The following SLC45A4 variants were observed in gnomAD, a reference collection of about 807,000 sequenced individuals.
SLC45A4 encodes solute carrier family 45 member 4.
Under a neutral mutation model 63.7 loss-of-function variants are expected in SLC45A4, and 32 were observed. The ratio of observed to expected loss-of-function variants is 0.50; its 90% CI spans 0.38 to 0.67. The LOEUF (loss-of-function observed/expected upper bound fraction) is 0.67, where lower values mean the gene tolerates loss of function less well. Ranked by LOEUF, SLC45A4 falls within the 30% of genes least tolerant of loss-of-function variation. The pLI, the probability that SLC45A4 is intolerant of heterozygous loss-of-function variation, is 0.00. For missense variants in SLC45A4, 1,027 were observed against 1,157.7 expected, an observed-to-expected ratio of 0.89 and a Z score of 1.64; for synonymous variants, 535 against 510.0, an observed-to-expected ratio of 1.05 and a Z score of -0.66.
intron 2 of SLC45A4, chr8:141,230,052 A>G: frequency 2.2e-6 from 1 of 456,264 alleles, no homozygotes. Flanking sequence ...ACACGATGAT[A>G]AGAAAGTTCT....
chr8:141,249,377 A>G (rs551198784), intron 2 of SLC45A4, among the ~76,000 whole-genome samples: 276 of 152,384 alleles, frequency 1.8e-3, no homozygotes, highest in Admixed American at 2.9e-3. Context: ...TCAGTGGAGT[A>G]CTAGTCAGCA....
At chr8:141,299,248 C>T (rs768773229) in intron 1 of SLC45A4, among the ~76,000 whole-genome samples, 8 of 152,236 alleles carry the variant, frequency 5.3e-5, no homozygotes, top group Admixed American at 1.3e-4. Flanking sequence ...CCACCCACAA[C>T]GAGGACGCCA....
chr8:141,288,680 C>G (rs569311719), intron 1 of SLC45A4, among the ~76,000 whole-genome samples: 1 of 152,240 alleles, frequency 6.6e-6, no homozygotes, highest in Non-Finnish European at 1.5e-5. Flanking sequence ...CTGCAGTGAG[C>G]GGGGTCACAC....
chr8:141,305,297 C>A (rs532685476), intron 1 of SLC45A4, among the ~76,000 whole-genome samples: 2 of 152,332 alleles, frequency 1.3e-5, no homozygotes, highest in Admixed American at 6.5e-5. Context: ...CCACTGCAGA[C>A]GCCTGCTTTT....
intron 2 of SLC45A4, among the ~76,000 whole-genome samples, chr8:141,233,320 T>C (rs1363075636): frequency 6.6e-6 from 1 of 152,044 alleles, no homozygotes; most frequent in African/African-American, 2.4e-5. Flanking sequence ...TTTTGGAAAT[T>C]AAGGAAAAAA....
At chr8:141,219,895 A>C in intron 3 of SLC45A4, 66 bp from the exon 4 acceptor site, 1 of 1,429,852 alleles carries the variant, frequency 7.0e-7, no homozygotes. Flanking sequence ...CTGATAGCAA[A>C]CAGCCACATG....
chr8:141,234,837 G>A lies in SLC45A4; in HGVS notation c.242-13072C>T, dbSNP rs113399097. ...CTGGCCCCTCCCCCCAGCACAGCCA[G>A]GCTCCAGCAGGACTCGACCTCCTGG... On this transcript the variant is annotated intron_variant, in intron 2 of 8. Transcript: ENST00000517878. Among the ~76,000 whole-genome samples the A allele has an allele frequency of 3.3e-3, 497 of 152,308 alleles. 5 individuals carry two copies. Among genetic ancestry groups the A allele is most frequent in the African/African-American group, 0.012 (478 of 41,552 alleles).
chr8:141,276,108 C>T (rs1358497335), intron 1 of SLC45A4, among the ~76,000 whole-genome samples: 2 of 152,098 alleles, frequency 1.3e-5, no homozygotes, highest in Admixed American at 6.6e-5. Context: ...CACTATGCTG[C>T]ACAGGCTGGT....
chr8:141,229,214 G>A lies in SLC45A4; in HGVS notation c.242-7449C>T, dbSNP rs1160812708. ...ACCCCTGGTTCCTCCCTCATCCTCC[G>A]TAACCCACCCGCCACCTGCAGTCAG... On this transcript the variant is annotated intron_variant, in intron 2 of 8. Coordinates refer to ENST00000517878, the MANE Select transcript of SLC45A4 (RefSeq NM_001286646.2). This position sits in a 1 kb window ranked among gnomAD's most constrained non-coding sequence, Gnocchi z 5.0. Among the ~76,000 whole-genome samples, 2 of 151,820 alleles carry A rather than the reference G, an allele frequency of 1.3e-5. No individual in the cohort carries two copies. Among genetic ancestry groups the A allele is most frequent in the Admixed American group, 6.6e-5 (1 of 15,236 alleles).
chr8:141,213,641 G>A (rs1589755604), intron 7 of SLC45A4, among the ~76,000 whole-genome samples: 1 of 152,242 alleles, frequency 6.6e-6, no homozygotes, highest in Non-Finnish European at 1.5e-5. Context: ...ATGAGCAACA[G>A]CAAATTAAAC....
chr8:141,280,024 C>T (rs781277277), intron 1 of SLC45A4, among the ~76,000 whole-genome samples: 6 of 152,228 alleles, frequency 3.9e-5, no homozygotes, highest in Admixed American at 2.0e-4. Context: ...CACAGGGCAG[C>T]GAGGCATGGG....
At position 141,229,444 on chromosome 8, in the gene SLC45A4, A is replaced by G. The variant is rs1340084210; in HGVS notation, c.242-7679T>C. The stretch of plus-strand genomic sequence containing the variant: ...AAAACACCAGGCTCACATCCCGCTC[A>G]GAACCTCAGCCACGGCCACTGGGGA... On this transcript the variant is annotated intron_variant, in intron 2 of 8. Transcript: ENST00000517878. The surrounding 1 kb of genome is among the most constrained non-coding windows in gnomAD (Gnocchi z 5.0). Among the ~76,000 whole-genome samples the G allele has an allele frequency of 6.6e-6, 1 of 152,008 alleles. No homozygotes were observed. The highest frequency in any genetic ancestry group is 1.9e-4 in the East Asian group (1 of 5,160).
chr8:141,242,107 T>C (rs1210501304), intron 2 of SLC45A4, among the ~76,000 whole-genome samples: 1 of 152,128 alleles, frequency 6.6e-6, no homozygotes, highest in Non-Finnish European at 1.5e-5. Context: ...CCGCCAAGTG[T>C]GGCCATCATT....
At chr8:141,260,799 AGGAGGAGCTGGTAC>A (rs1267385518) in intron 1 of SLC45A4, among the ~76,000 whole-genome samples, 2 of 152,252 alleles carry the variant, frequency 1.3e-5, no homozygotes, top group African/African-American at 4.8e-5. Flanking sequence ...CAGAGGTACA[AGGAGGAGCTGGTAC>A]CATTCCTTCT....
intron 2 of SLC45A4, among the ~76,000 whole-genome samples, chr8:141,242,369 C>A (rs929578022): frequency 6.6e-6 from 1 of 152,110 alleles, no homozygotes; most frequent in Non-Finnish European, 1.5e-5. Flanking sequence ...TAGGCCAGGC[C>A]CAAGTGACTT....
At chr8:141,285,365 G>A (rs1244613009) in intron 1 of SLC45A4, among the ~76,000 whole-genome samples, 1 of 152,244 alleles carries the variant, frequency 6.6e-6, no homozygotes, top group African/African-American at 2.4e-5. Flanking sequence ...AAGATAGGTG[G>A]TTCCCCCGTG....
chr8:141,291,030 G>C (rs1284432639), intron 1 of SLC45A4, among the ~76,000 whole-genome samples: 1 of 152,116 alleles, frequency 6.6e-6, no homozygotes, highest in African/African-American at 2.4e-5. Flanking sequence ...TGTATTTTTA[G>C]TAGAGACGGG....
At chr8:141,280,389 T>G (rs1330030137) in intron 1 of SLC45A4, among the ~76,000 whole-genome samples, 2 of 152,210 alleles carry the variant, frequency 1.3e-5, no homozygotes, top group Admixed American at 1.3e-4. Context: ...TTTAAGATGA[T>G]TGTTGGAAAT....
At chr8:141,217,260 A>T in intron 5 of SLC45A4, 71 bp from the exon 6 acceptor site, 1 of 1,493,774 alleles carries the variant, frequency 6.7e-7, no homozygotes, top group South Asian at 1.2e-5. Flanking sequence ...CGTATTTCCC[A>T]TGGGAACTGC....
Sources: allele counts gnomAD v4.1 joint callset (sites outside exome capture counted in the v4.1 genomes callset), GRCh38; gene constraint gnomAD v4.1.1; non-coding constraint Gnocchi (gnomAD v3.1); transcripts MANE v1.5; gene names NCBI Gene and HGNC (gene_info 2026-07-23, HGNC 2026-07-21).